The following TRIB2 variants were observed in gnomAD, a reference collection of about 807,000 sequenced individuals.
TRIB2 encodes tribbles homolog 2.
Under a neutral mutation model 26.8 loss-of-function variants are expected in TRIB2, and 2 were observed. That is an observed-to-expected ratio of 0.07 (90% CI 0.03 to 0.24). The LOEUF (loss-of-function observed/expected upper bound fraction) is 0.24, where lower values mean the gene tolerates loss of function less well. Among genes scored for constraint, TRIB2 ranks in the 10% least tolerant of loss-of-function variants. The probability of loss-of-function intolerance (pLI) is 1.00; values close to 1 mark genes in which losing one functional copy is unlikely to be tolerated. For synonymous variants in TRIB2, 189 were observed against 187.3 expected (o/e 1.01, Z -0.08); for missense variants, 306 against 449.0 (o/e 0.68, Z 2.88).
In TRIB2 at chr2:12,741,225, T is replaced by G. The variant is rs1661703279; in HGVS notation, c.*431T>G. 6.3e-6 allele frequency: 1 copy of G among 159,362 alleles called. No homozygotes were observed. Among genetic ancestry groups the G allele is most frequent in the East Asian group, 1.9e-4 (1 of 5,348 alleles). The allele number at this position is 159,362 out of a possible 1,614,324, so 9.9% of individuals were successfully genotyped here. ...GGAACAGTTGGCCAAGAATTTTTTT[T>G]CTTTTAAACAAGCCAACCACCTAGC... On this transcript the variant is annotated 3_prime_UTR_variant, in exon 3 of 3. Coordinates refer to ENST00000155926, the MANE Select transcript of TRIB2 (RefSeq NM_021643.4).
intron 2 of TRIB2, among the ~76,000 whole-genome samples, chr2:12,731,949 A>G (rs1183955184): frequency 2.6e-5 from 4 of 152,162 alleles, no homozygotes; most frequent in African/African-American, 9.7e-5. Context: ...ATCCACTGAT[A>G]TGGGGGAGGA....
intron 2 of TRIB2, among the ~76,000 whole-genome samples, chr2:12,733,405 T>G (rs1333784025): frequency 1.3e-5 from 2 of 152,210 alleles, no homozygotes; most frequent in Non-Finnish European, 2.9e-5. Context: ...ATCAGTGATT[T>G]TAGTACCAGA....
At chr2:12,721,004 C>G (rs1457935805) in intron 1 of TRIB2, among the ~76,000 whole-genome samples, 1 of 152,124 alleles carries the variant, frequency 6.6e-6, no homozygotes, top group Non-Finnish European at 1.5e-5. Flanking sequence ...ATAACCAAGG[C>G]TCCAAATTAA....
chr2:12,738,328 C>A (rs1300763438), intron 2 of TRIB2, among the ~76,000 whole-genome samples: 1 of 152,152 alleles, frequency 6.6e-6, no homozygotes, highest in African/African-American at 2.4e-5. Context: ...CTTTCTTATT[C>A]AATGCTTACT....
chr2:12,725,838 G>C (rs1422506649), intron 2 of TRIB2, among the ~76,000 whole-genome samples: 2 of 152,238 alleles, frequency 1.3e-5, no homozygotes, highest in African/African-American at 2.4e-5. Flanking sequence ...CAGCATGGTG[G>C]CATGTGTGAT....
At position 12,740,975 on chromosome 2, in the gene TRIB2, C is replaced by T. The variant is rs553235015; in HGVS notation, c.*181C>T. 13 of 623,206 alleles carry T rather than the reference C, an allele frequency of 2.1e-5. No individual in the cohort carries two copies. The highest frequency in any genetic ancestry group is 3.3e-5 in the Non-Finnish European group (12 of 362,098). 38.6% of individuals were successfully genotyped at this position (623,206 alleles called of 1,614,324 possible). ...GACCACGTAGCATGGGGGCAAGAGG[C>T]GTGGGATGGGGATTGGGGTGAGATG... On this transcript the variant is annotated 3_prime_UTR_variant, in exon 3 of 3. Coordinates refer to ENST00000155926, the MANE Select transcript of TRIB2 (RefSeq NM_021643.4). The surrounding 1 kb of genome is among the most constrained non-coding windows in gnomAD (Gnocchi z 5.8).
chr2:12,739,374 C>G (rs1427384446), intron 2 of TRIB2, among the ~76,000 whole-genome samples: 1 of 152,196 alleles, frequency 6.6e-6, no homozygotes, highest in Non-Finnish European at 1.5e-5. Flanking sequence ...ATTCTCCTGC[C>G]TCGGCCTCCT....
At position 12,728,359 on chromosome 2, in the gene TRIB2, C is replaced by A. The variant is rs187769467; in HGVS notation, c.563+4807C>A. Among the ~76,000 whole-genome samples the A allele has an allele frequency of 3.2e-5, 4 of 123,246 alleles. No homozygotes were observed. In the East Asian group the frequency reaches 7.8e-4, roughly 24 times the overall value. The allele number at this position is 123,246 out of a possible 152,430, so 80.9% of individuals were successfully genotyped here. On this transcript the variant is annotated intron_variant, in intron 2 of 2. Coordinates refer to ENST00000155926, the MANE Select transcript of TRIB2 (RefSeq NM_021643.4). ...CAGTGTCACTCTGTGGTCACAGGGC[C>A]AGTTCCCTGGCTCACTCAAGATGCG... is the stretch of plus-strand genomic sequence containing the variant.
At chr2:12,723,148 A>G (rs1364187904) in intron 1 of TRIB2, 112 bp from the exon 2 acceptor site, 2 of 1,240,286 alleles carry the variant, frequency 1.6e-6, no homozygotes, top group African/African-American at 3.0e-5. Flanking sequence ...GTCCAAGTTC[A>G]GCATATTTTC....
chr2:12,730,919 A>G (rs986021686), intron 2 of TRIB2, among the ~76,000 whole-genome samples: 3 of 152,320 alleles, frequency 2.0e-5, no homozygotes, highest in African/African-American at 7.2e-5. Flanking sequence ...AGACATTGCC[A>G]TGCATAAGAA....
rs1412705200 is a variant in TRIB2 at position 12,723,529 on chromosome 2, A to G, written c.540A>G (p.Lys180=). 8 of 1,613,948 alleles carry G rather than the reference A, an allele frequency of 5.0e-6. No homozygotes were observed. Among genetic ancestry groups the G allele is most frequent in the Admixed American group, 1.7e-5 (1 of 59,998 alleles). ...TGCTGCGGGACCTCAAGCTGCGGAA[A>G]TTCATCTTTAAGGACGAAGAGAGGT... ...GLVLRDLKLR[K]FIFKDEERTR... Residue 180 remains lysine, a synonymous_variant, in exon 2 of 3, where the codon AAA becomes AAG. Coordinates refer to ENST00000155926, the MANE Select transcript of TRIB2 (RefSeq NM_021643.4).
In TRIB2 at chr2:12,732,262, G is replaced by T. The variant is rs1221881700; in HGVS notation, c.564-8064G>T. ...ACAGGGCAGGGATTCCGTCGTGGCC[G>T]GGTAGATGGCACTGCAGAAAACCCC... On this transcript the variant is annotated intron_variant, in intron 2 of 2. Transcript: ENST00000155926. The surrounding 1 kb of genome is among the most constrained non-coding windows in gnomAD (Gnocchi z 4.2). Among the ~76,000 whole-genome samples the T allele has an allele frequency of 6.6e-6, 1 of 152,118 alleles. No homozygotes were observed. The highest frequency in any genetic ancestry group is 1.5e-5 in the Non-Finnish European group (1 of 68,014).
chr2:12,721,560 A>G (rs575690603), intron 1 of TRIB2, among the ~76,000 whole-genome samples: 15 of 152,292 alleles, frequency 9.8e-5, no homozygotes, highest in African/African-American at 3.6e-4. Flanking sequence ...AGCATTTCAG[A>G]TTCCTAATTG....
rs1661623803 is a variant in TRIB2, at chr2:12,738,133, TGTA to T, written c.564-2191_564-2189del. ...CCCAGGATTTCACTAAACCTTTTGC[TGTA>T]GAGAACTCCCAGCAGCAATCTTTTG... On this transcript the variant is annotated intron_variant, in intron 2 of 2. Transcript: ENST00000155926. Among the ~76,000 whole-genome samples, 4 of 152,352 alleles carry T rather than the reference TGTA, an allele frequency of 2.6e-5. No homozygotes were observed. The South Asian group carries it at 8.3e-4, about 32-fold the overall frequency.
intron 2 of TRIB2, among the ~76,000 whole-genome samples, chr2:12,726,403 G>A (rs1661341177): frequency 1.3e-5 from 2 of 152,206 alleles, no homozygotes; most frequent in Admixed American, 6.5e-5. Context: ...TGGCCTGCAT[G>A]GTGGCCTACA....
chr2:12,719,298 T>C (rs1666672699), intron 1 of TRIB2, among the ~76,000 whole-genome samples: 1 of 152,058 alleles, frequency 6.6e-6, no homozygotes, highest in Non-Finnish European at 1.5e-5. Flanking sequence ...CCTTTGCCTG[T>C]AAGGTTAAGA....
intron 2 of TRIB2, among the ~76,000 whole-genome samples, chr2:12,737,021 C>T (rs1179490013): frequency 3.3e-5 from 5 of 152,068 alleles, no homozygotes; most frequent in Non-Finnish European, 4.4e-5. Context: ...GGACTGGGGC[C>T]AAGCTGGGCA....
chr2:12,731,024 C>G (rs1250534395), intron 2 of TRIB2, among the ~76,000 whole-genome samples: 1 of 152,186 alleles, frequency 6.6e-6, no homozygotes, highest in African/African-American at 2.4e-5. Context: ...ATTTATTAAG[C>G]ACCTACTCTG....
intron 2 of TRIB2, among the ~76,000 whole-genome samples, chr2:12,738,586 C>T (rs1661637937): frequency 6.6e-6 from 1 of 152,130 alleles, no homozygotes; most frequent in East Asian, 1.9e-4. Context: ...AGGCAGTGCC[C>T]TAGCCAGGAG....
Sources: allele counts gnomAD v4.1 joint callset (sites outside exome capture counted in the v4.1 genomes callset), GRCh38; gene constraint gnomAD v4.1.1; non-coding constraint Gnocchi (gnomAD v3.1); transcripts MANE v1.5; gene names NCBI Gene and HGNC (gene_info 2026-07-23, HGNC 2026-07-21).